CTTNBP2: variants seen among roughly 807,000 people sequenced by gnomAD.
CTTNBP2 encodes cortactin binding protein 2, also known as cortactin-binding protein 2.
A neutral mutation model predicts 156.9 loss-of-function variants in CTTNBP2; 108 were observed. The observed-to-expected ratio is 0.69, with a 90% CI of 0.59 to 0.81. The LOEUF (loss-of-function observed/expected upper bound fraction) is 0.81. Ranked by LOEUF, CTTNBP2 falls within the 30% of genes least tolerant of loss-of-function variation. The probability of loss-of-function intolerance (pLI) is 0.00; values close to 1 mark genes in which losing one functional copy is unlikely to be tolerated. For missense variants in CTTNBP2, 1,924 were observed against 2,035.4 expected (o/e 0.95, Z 1.05); for synonymous variants, 767 against 751.8 (o/e 1.02, Z -0.33).
At chr7:117,868,687 T>C (rs1049061217) in intron 1 of CTTNBP2, among the ~76,000 whole-genome samples, 1 of 152,180 alleles carries the variant, frequency 6.6e-6, no homozygotes, top group Admixed American at 6.5e-5. Flanking sequence ...AAAAGACAAA[T>C]CTTTTTCCAT....
chr7:117,728,065 A>C, intron 17 of CTTNBP2, 24 bp downstream of exon 17: 1 of 1,603,010 alleles, frequency 6.2e-7, no homozygotes, highest in Non-Finnish European at 8.5e-7. Context: ...CATAAGCAGA[A>C]AGATAAGGAA....
intron 2 of CTTNBP2, among the ~76,000 whole-genome samples, chr7:117,814,299 T>C (rs1800452704): frequency 6.6e-6 from 1 of 152,128 alleles, no homozygotes; most frequent in South Asian, 2.1e-4. Context: ...GTATTTTTGT[T>C]GTGTTTTTTT....
At chr7:117,717,730 T>C (rs1325739671) in intron 22 of CTTNBP2, among the ~76,000 whole-genome samples, 1 of 149,552 alleles carries the variant, frequency 6.7e-6, no homozygotes, top group Non-Finnish European at 1.5e-5. Context: ...ATTTCTAGTT[T>C]TGTCATATAA....
At chr7:117,793,233 C>A (rs1799134251) in intron 3 of CTTNBP2, among the ~76,000 whole-genome samples, 1 of 152,108 alleles carries the variant, frequency 6.6e-6, no homozygotes, top group Non-Finnish European at 1.5e-5. Context: ...AATTCTAAGC[C>A]CCCATGTTTG....
intron 3 of CTTNBP2, among the ~76,000 whole-genome samples, chr7:117,808,099 T>C (rs759294627): frequency 3.3e-5 from 5 of 152,300 alleles, no homozygotes; most frequent in Admixed American, 6.5e-5. Context: ...GTTCCCCCTC[T>C]GAATTTCCTG....
chr7:117,819,573 GA>G (rs1253447432), intron 2 of CTTNBP2, among the ~76,000 whole-genome samples: 1 of 152,022 alleles, frequency 6.6e-6, no homozygotes, highest in Non-Finnish European at 1.5e-5. Flanking sequence ...ACTTAAATGA[GA>G]AAAGAACGGA....
chr7:117,782,761 T>C (rs1343507157), intron 6 of CTTNBP2, 101 bp downstream of exon 6: 1 of 691,302 alleles, frequency 1.4e-6, no homozygotes, highest in African/African-American at 1.8e-5. Context: ...CCAGTGATTT[T>C]AAGCACTAGT....
intron 8 of CTTNBP2, among the ~76,000 whole-genome samples, chr7:117,772,049 C>G (rs1308424603): frequency 1.3e-5 from 2 of 152,160 alleles, no homozygotes; most frequent in African/African-American, 4.8e-5. Flanking sequence ...GGGAGCAGAC[C>G]AAGGCCAGAT....
In CTTNBP2 at chr7:117,829,523, G is replaced by C. The variant is rs75406421; in HGVS notation, c.190-18534C>G. ...CTTTTCACCTGCACACCTTTTCTTT[G>C]TATTGGGAAGATGATGCTGTGGACC... On this transcript the variant is annotated intron_variant, in intron 2 of 22. Transcript: ENST00000160373. Among the ~76,000 whole-genome samples, 18 of 152,232 alleles carry C rather than the reference G, an allele frequency of 1.2e-4. No individual in the cohort carries two copies. The East Asian group carries it at 3.5e-3, about 29-fold the overall frequency.
intron 8 of CTTNBP2, among the ~76,000 whole-genome samples, chr7:117,776,828 C>G (rs559895417): frequency 6.6e-6 from 1 of 152,182 alleles, no homozygotes; most frequent in East Asian, 1.9e-4. Context: ...TGTCTTGTAC[C>G]CTGCTCACTT....
chr7:117,871,810 CA>C, intron 1 of CTTNBP2: 1 of 384,514 alleles, frequency 2.6e-6, no homozygotes, highest in Non-Finnish European at 3.5e-6. Flanking sequence ...CACACACACA[CA>C]CACACACCCT....
intron 2 of CTTNBP2, among the ~76,000 whole-genome samples, chr7:117,833,743 A>G (rs1801761637): frequency 2.0e-5 from 3 of 152,234 alleles, no homozygotes; most frequent in Admixed American, 2.0e-4. Flanking sequence ...AAAGAGACCA[A>G]GCCATACTCA....
chr7:117,794,875 A>ATT (rs1776836202), intron 3 of CTTNBP2, among the ~76,000 whole-genome samples: 5 of 124,094 alleles, frequency 4.0e-5, no homozygotes, highest in African/African-American at 1.7e-4. Context: ...TTATATGTAT[A>ATT]TCTTTTTTTT....
chr7:117,793,495 C>A (rs2116873545), intron 3 of CTTNBP2: 1 of 152,696 alleles, frequency 6.5e-6, no homozygotes, highest in East Asian at 1.9e-4. Flanking sequence ...GCCTCGGGGT[C>A]TTTGTCCTTG....
At chr7:117,839,420 T>C (rs999475824) in intron 2 of CTTNBP2, among the ~76,000 whole-genome samples, 4 of 152,210 alleles carry the variant, frequency 2.6e-5, no homozygotes, top group African/African-American at 4.8e-5. Flanking sequence ...AACCACAGAA[T>C]TGCCTTAATA....
chr7:117,830,352 C>T (rs1194634412), intron 2 of CTTNBP2, among the ~76,000 whole-genome samples: 1 of 152,080 alleles, frequency 6.6e-6, no homozygotes, highest in Non-Finnish European at 1.5e-5. Context: ...ACTACACGGC[C>T]GACAGCAAGG....
At chr7:117,734,599 C>A (rs1795578745) in intron 16 of CTTNBP2, among the ~76,000 whole-genome samples, 1 of 152,134 alleles carries the variant, frequency 6.6e-6, no homozygotes, top group African/African-American at 2.4e-5. Flanking sequence ...TTTGAAGGCT[C>A]CAAGAAAGAT....
chr7:117,718,624 C>T (rs941808123), intron 21 of CTTNBP2, among the ~76,000 whole-genome samples: 7 of 152,168 alleles, frequency 4.6e-5, no homozygotes, highest in Admixed American at 3.9e-4. Flanking sequence ...TACTAGAGTG[C>T]CAAAACAGGT....
At chr7:117,732,467 GGTGAAACCCC>G (rs373917212) in intron 16 of CTTNBP2, among the ~76,000 whole-genome samples, 3,128 of 151,906 alleles carry the variant, frequency 0.021, 119 homozygotes, top group African/African-American at 0.072. Context: ...TGGCTAACAT[GGTGAAACCCC>G]GTCTCTACTG....
Sources: allele counts gnomAD v4.1 joint callset (sites outside exome capture counted in the v4.1 genomes callset), GRCh38; gene constraint gnomAD v4.1.1; transcripts MANE v1.5; gene names NCBI Gene and HGNC (gene_info 2026-07-23, HGNC 2026-07-21).